The following LPP variants were observed in gnomAD, a reference collection of about 807,000 sequenced individuals.
The protein encoded by LPP is lipoma-preferred partner.
In LPP, 38 loss-of-function variants were observed where a neutral mutation model predicts 60.4. That is an observed-to-expected ratio of 0.63 (90% CI 0.49 to 0.83). LPP has a LOEUF of 0.83. Ranked by LOEUF, LPP falls within the 40% of genes least tolerant of loss-of-function variation. The probability of loss-of-function intolerance (pLI) is 0.00; values close to 1 mark genes in which losing one functional copy is unlikely to be tolerated. For synonymous variants in LPP, 328 were observed against 290.8 expected (o/e 1.13, Z -1.30); for missense variants, 902 against 783.6 (o/e 1.15, Z -1.80).
intron 7 of LPP, among the ~76,000 whole-genome samples, chr3:188,679,517 CTCTG>C (rs1268778586): frequency 9.8e-6 from 1 of 102,426 alleles, no homozygotes; most frequent in African/African-American, 3.9e-5. Flanking sequence ...ACTTTGAATA[CTCTG>C]TGTGTGTGTG....
chr3:188,752,985 C>A (rs982429021), intron 8 of LPP, among the ~76,000 whole-genome samples: 19 of 152,160 alleles, frequency 1.2e-4, no homozygotes, highest in African/African-American at 4.6e-4. Context: ...GCTGGACTGG[C>A]CCTTCCTCTT....
intron 8 of LPP, among the ~76,000 whole-genome samples, chr3:188,755,865 A>G (rs1049132327): frequency 7.9e-6 from 1 of 126,304 alleles, no homozygotes; most frequent in Non-Finnish European, 1.7e-5. Context: ...AAAAAAAAAA[A>G]CAAAGAAAAG....
rs1490549513 is a variant in LPP, at chr3:188,439,157, A to T, written c.193+32844A>T. On this transcript the variant is annotated intron_variant, in intron 4 of 11. Transcript: ENST00000617246. ...GAGTAGTCTCCCCTAAAGTTTGGTG[A>T]TTAAGTCACCAGCCACCTTTTCTAT... 2.0e-5 allele frequency among the ~76,000 whole-genome samples: 3 copies of T among 152,188 alleles called. No homozygotes were observed. In the East Asian group the frequency reaches 5.8e-4, roughly 29 times the overall value.
chr3:188,264,023 G>A (rs1734578704), intron 2 of LPP, among the ~76,000 whole-genome samples: 2 of 152,186 alleles, frequency 1.3e-5, no homozygotes, highest in Admixed American at 6.5e-5. Flanking sequence ...AGTTCCCAGA[G>A]CTAGGTGAGC....
intron 9 of LPP, among the ~76,000 whole-genome samples, chr3:188,829,560 G>T (rs1025719410): frequency 6.6e-6 from 1 of 152,192 alleles, no homozygotes; most frequent in Non-Finnish European, 1.5e-5. Context: ...GAGTCACTGT[G>T]TGAGGTACAA....
intron 7 of LPP, among the ~76,000 whole-genome samples, chr3:188,690,587 A>C (rs767600305): frequency 2.0e-5 from 3 of 152,198 alleles, no homozygotes; most frequent in Non-Finnish European, 4.4e-5. Context: ...ACACATTTTA[A>C]AGGATGATAA....
At chr3:188,738,907 A>T (rs1723447763) in intron 8 of LPP, among the ~76,000 whole-genome samples, 2 of 152,066 alleles carry the variant, frequency 1.3e-5, no homozygotes, top group Non-Finnish European at 2.9e-5. Flanking sequence ...ATTGGTCTTT[A>T]AAAAAATACT....
intron 7 of LPP, among the ~76,000 whole-genome samples, chr3:188,683,941 A>G (rs1244120930): frequency 6.6e-6 from 1 of 152,258 alleles, no homozygotes; most frequent in Non-Finnish European, 1.5e-5. Context: ...AGTTGAGGAA[A>G]CACTAGACTT....
At chr3:188,620,262 A>G (rs1580449298) in intron 7 of LPP, among the ~76,000 whole-genome samples, 1 of 152,126 alleles carries the variant, frequency 6.6e-6, no homozygotes, top group East Asian at 1.9e-4. Flanking sequence ...TATATGTGCA[A>G]TCATTATCAC....
At chr3:188,807,040 T>G (rs796534471) in intron 9 of LPP, among the ~76,000 whole-genome samples, 1 of 151,880 alleles carries the variant, frequency 6.6e-6, no homozygotes, top group African/African-American at 2.4e-5. Flanking sequence ...AGAGCTCCCT[T>G]CAATATTTCT....
chr3:188,829,333 T>C (rs2151565306), intron 9 of LPP, among the ~76,000 whole-genome samples: 1 of 152,308 alleles, frequency 6.6e-6, no homozygotes, highest in South Asian at 2.1e-4. Context: ...CATGGGAATC[T>C]TCTCACAGAT....
chr3:188,288,235 G>C (rs1744646330), intron 2 of LPP, among the ~76,000 whole-genome samples: 1 of 152,224 alleles, frequency 6.6e-6, no homozygotes. Flanking sequence ...AGCAGGCTGT[G>C]ATGGGAATAG....
At chr3:188,815,041 G>A (rs1358681035) in intron 9 of LPP, among the ~76,000 whole-genome samples, 8 of 152,146 alleles carry the variant, frequency 5.3e-5, no homozygotes, top group South Asian at 2.1e-4. Flanking sequence ...TCAGTGCTTC[G>A]CGCACAATAA....
At chr3:188,415,817 G>T (rs1003991885) in intron 4 of LPP, among the ~76,000 whole-genome samples, 3 of 151,754 alleles carry the variant, frequency 2.0e-5, no homozygotes, top group African/African-American at 7.3e-5. Context: ...AGAGGACGCA[G>T]CAAGAGTCTT....
At chr3:188,631,897 C>A (rs764785055) in intron 7 of LPP, among the ~76,000 whole-genome samples, 1 of 152,084 alleles carries the variant, frequency 6.6e-6, no homozygotes, top group Non-Finnish European at 1.5e-5. Context: ...CCTTTCTTAA[C>A]CAATCTCAAA....
At chr3:188,172,872 C>G (rs1721973033) in intron 1 of LPP, among the ~76,000 whole-genome samples, 1 of 152,078 alleles carries the variant, frequency 6.6e-6, no homozygotes, top group Non-Finnish European at 1.5e-5. Context: ...TATTTATTTA[C>G]TTATTTTTTT....
At chr3:188,790,041 C>G (rs1303426453) in intron 9 of LPP, among the ~76,000 whole-genome samples, 1 of 152,030 alleles carries the variant, frequency 6.6e-6, no homozygotes, top group African/African-American at 2.4e-5. Flanking sequence ...ATTTTTGACC[C>G]TGCAACTCGA....
chr3:188,561,936 A>G (rs2150687781), intron 6 of LPP, among the ~76,000 whole-genome samples: 1 of 152,142 alleles, frequency 6.6e-6, no homozygotes, highest in Non-Finnish European at 1.5e-5. Context: ...CTGGAGATTC[A>G]TGGAGAATTT....
intron 9 of LPP, among the ~76,000 whole-genome samples, chr3:188,768,298 T>C (rs1437339382): frequency 1.3e-5 from 2 of 152,158 alleles, no homozygotes. Flanking sequence ...AATCATTTTA[T>C]AAAGCTAGCG....
Sources: allele counts gnomAD v4.1 joint callset (sites outside exome capture counted in the v4.1 genomes callset), GRCh38; gene constraint gnomAD v4.1.1; transcripts MANE v1.5; gene names NCBI Gene and HGNC (gene_info 2026-07-23, HGNC 2026-07-21).